The following CSMD1 variants were observed in gnomAD, a reference collection of about 807,000 sequenced individuals.
The protein encoded by CSMD1 is CUB and Sushi multiple domains 1.
Under a neutral mutation model 417.5 loss-of-function variants are expected in CSMD1, and 213 were observed. The observed-to-expected ratio is 0.51, with a 90% CI of 0.46 to 0.57. CSMD1 has a LOEUF of 0.57. CSMD1 is among the 20% of genes least tolerant of loss of function. The probability of loss-of-function intolerance (pLI) is 0.00; values close to 1 mark genes in which losing one functional copy is unlikely to be tolerated. For synonymous variants in CSMD1, 2,862 were observed against 1,736.8 expected (o/e 1.65, Z -16.11); for missense variants, 6,923 against 4,529.7 (o/e 1.53, Z -15.17).
At chr8:3,809,873 A>T (rs1459086394) in intron 5 of CSMD1, among the ~76,000 whole-genome samples, 1 of 152,102 alleles carries the variant, frequency 6.6e-6, no homozygotes, top group Non-Finnish European at 1.5e-5. Flanking sequence ...CGTCAATATC[A>T]CCCGTTACGT....
At chr8:4,239,999 G>A (rs1016873477) in intron 3 of CSMD1, among the ~76,000 whole-genome samples, 3 of 152,070 alleles carry the variant, frequency 2.0e-5, no homozygotes, top group African/African-American at 7.2e-5. Context: ...AATACATAAG[G>A]CGTGTTCTGT....
At chr8:4,078,376 G>T (rs955580892) in intron 3 of CSMD1, among the ~76,000 whole-genome samples, 1 of 146,528 alleles carries the variant, frequency 6.8e-6, no homozygotes, top group African/African-American at 2.5e-5. Context: ...GTGCAGTGGC[G>T]TGATCTCGAC....
At chr8:3,060,652 G>T (rs1563293196) in intron 49 of CSMD1, among the ~76,000 whole-genome samples, 1 of 152,158 alleles carries the variant, frequency 6.6e-6, no homozygotes, top group African/African-American at 2.4e-5. Context: ...CTTGTGCTAT[G>T]GAAACAATCA....
At position 3,854,159 on chromosome 8, in the gene CSMD1, TAAA is replaced by T. The variant is rs10712212; in HGVS notation, c.819-100120_819-100118del. ...AAACTCTATTAAAGTATAATAATAA[TAAA>T]AAAAAAAAAACACGTCTTGGAAATG... On this transcript the variant is annotated intron_variant, in intron 5 of 69. Transcript: ENST00000635120. 3.6e-3 allele frequency among the ~76,000 whole-genome samples: 506 copies of T among 139,544 alleles called. 1 individual carries two copies. Among genetic ancestry groups the T allele is most frequent in the South Asian group, 7.5e-3 (34 of 4,510 alleles). The allele number at this position is 139,544 out of a possible 152,430, so 91.5% of individuals were successfully genotyped here. A position where few individuals can be genotyped will look rare whatever the true frequency, so the allele number is the denominator to read the frequency against.
At chr8:4,156,080 T>C (rs944588279) in intron 3 of CSMD1, among the ~76,000 whole-genome samples, 3 of 152,146 alleles carry the variant, frequency 2.0e-5, no homozygotes, top group Admixed American at 6.5e-5. Flanking sequence ...GGAATAGGGC[T>C]GGCTGGAGTT....
At chr8:4,269,314 C>G (rs899656976) in intron 3 of CSMD1, among the ~76,000 whole-genome samples, 4 of 152,168 alleles carry the variant, frequency 2.6e-5, no homozygotes, top group African/African-American at 7.2e-5. Flanking sequence ...TCCACCCGCA[C>G]TGGCCTCCCC....
chr8:3,684,213 A>G (rs541687511), intron 7 of CSMD1, among the ~76,000 whole-genome samples: 1,751 of 143,132 alleles, frequency 0.012, 45 homozygotes, highest in African/African-American at 0.042. Context: ...AATTATATAT[A>G]ATATATAACA....
chr8:4,096,865 C>G lies in CSMD1; in HGVS notation c.416-64766G>C, dbSNP rs187972723. On this transcript the variant is annotated intron_variant, in intron 3 of 69. Coordinates refer to ENST00000635120, the MANE Select transcript of CSMD1 (RefSeq NM_033225.6). ...GTGTGTCTCAGGTAAAGGATTCCTG[C>G]AAAGCCATCTTGCAATTTTAAAGCT... Among the ~76,000 whole-genome samples the G allele has an allele frequency of 3.3e-5, 5 of 152,260 alleles. No individual in the cohort carries two copies. The East Asian group carries it at 5.8e-4, about 18-fold the overall frequency.
chr8:3,837,811 G>A (rs1422520038), intron 5 of CSMD1, among the ~76,000 whole-genome samples: 1 of 152,090 alleles, frequency 6.6e-6, no homozygotes, highest in Non-Finnish European at 1.5e-5. Flanking sequence ...CAAAGAACCA[G>A]TGCTTCCCTC....
intron 3 of CSMD1, among the ~76,000 whole-genome samples, chr8:4,303,576 G>C (rs1798096432): frequency 1.3e-5 from 2 of 151,904 alleles, no homozygotes; most frequent in African/African-American, 2.4e-5. Flanking sequence ...AGCAGCGTTG[G>C]TGACTGTGTG....
At chr8:3,231,988 T>C (rs1798867144) in intron 26 of CSMD1, among the ~76,000 whole-genome samples, 1 of 152,252 alleles carries the variant, frequency 6.6e-6, no homozygotes, top group Non-Finnish European at 1.5e-5. Flanking sequence ...CTCAAATTGA[T>C]TGTTATTACA....
At chr8:4,122,632 A>C (rs530259861) in intron 3 of CSMD1, among the ~76,000 whole-genome samples, 2 of 152,290 alleles carry the variant, frequency 1.3e-5, no homozygotes, top group East Asian at 3.9e-4. Context: ...ATAAGCCTCC[A>C]ATCGCCAAAC....
chr8:3,924,041 T>G (rs187171038), intron 5 of CSMD1, among the ~76,000 whole-genome samples: 43 of 152,336 alleles, frequency 2.8e-4, no homozygotes, highest in Middle Eastern at 3.4e-3. Flanking sequence ...TCATTTCAAT[T>G]TGAAGGACTC....
intron 5 of CSMD1, among the ~76,000 whole-genome samples, chr8:3,764,265 C>T (rs530600274): frequency 2.6e-4 from 40 of 152,320 alleles, no homozygotes; most frequent in African/African-American, 8.9e-4. Flanking sequence ...CTACACACTG[C>T]CTGTGTTCCC....
chr8:4,816,974 A>AT (rs1799243825), intron 1 of CSMD1, among the ~76,000 whole-genome samples: 1 of 152,224 alleles, frequency 6.6e-6, no homozygotes, highest in South Asian at 2.1e-4. Flanking sequence ...TTAACAGTAA[A>AT]GAAAACTGCA....
chr8:3,361,455 T>A (rs188648425), intron 20 of CSMD1, among the ~76,000 whole-genome samples: 14 of 151,862 alleles, frequency 9.2e-5, no homozygotes, highest in Middle Eastern at 6.8e-3. Context: ...GGTGAAACCC[T>A]GTCTTTACTA....
intron 5 of CSMD1, among the ~76,000 whole-genome samples, chr8:3,794,945 T>C (rs1799959249): frequency 6.6e-6 from 1 of 151,936 alleles, no homozygotes; most frequent in South Asian, 2.1e-4. Flanking sequence ...AATGTATAGC[T>C]ATAGATATAT....
intron 1 of CSMD1, among the ~76,000 whole-genome samples, chr8:4,721,887 T>G (rs559031340): frequency 1.3e-5 from 2 of 152,138 alleles, no homozygotes; most frequent in South Asian, 4.1e-4. Flanking sequence ...TGGATGAAAC[T>G]GAAGGGCATT....
At chr8:3,144,802 G>T in intron 40 of CSMD1, among the ~76,000 whole-genome samples, 1 of 137,892 alleles carries the variant, frequency 7.3e-6, no homozygotes, top group Non-Finnish European at 1.6e-5. Context: ...CAAGGGGGGG[G>T]GGGAGGGAGG....
Sources: gnomAD v4.1 joint callset for allele counts (sites outside exome capture counted in the v4.1 genomes callset) on GRCh38, gnomAD v4.1.1 for gene constraint, MANE v1.5 for transcripts, NCBI Gene and HGNC (gene_info 2026-07-23, HGNC 2026-07-21) for gene names.